CCDC178: variants seen among roughly 807,000 people sequenced by gnomAD.
CCDC178 encodes coiled-coil domain containing 178, also known as coiled-coil domain-containing protein 178.
In CCDC178, 126 loss-of-function variants were observed where a neutral mutation model predicts 117.4. The ratio of observed to expected loss-of-function variants is 1.07; its 90% confidence interval spans 0.93 to 1.24. CCDC178 has a LOEUF of 1.24. Among genes scored for constraint, CCDC178 ranks in the 50% most tolerant of loss-of-function variants. The pLI is 0.00. For missense variants in CCDC178, 1,030 were observed against 986.9 expected, an observed-to-expected ratio of 1.04 and a Z score of -0.59; for synonymous variants, 283 against 313.4, an observed-to-expected ratio of 0.90 and a Z score of 1.02.
At chr18:33,177,171 C>T (rs1267724293) in intron 20 of CCDC178, among the ~76,000 whole-genome samples, 2 of 151,688 alleles carry the variant, frequency 1.3e-5, no homozygotes, top group Non-Finnish European at 2.9e-5. Flanking sequence ...CACATGGACA[C>T]AGGGAGGGGA....
intron 21 of CCDC178, among the ~76,000 whole-genome samples, chr18:33,007,685 T>C (rs149234909): frequency 6.6e-6 from 1 of 152,252 alleles, no homozygotes; most frequent in African/African-American, 2.4e-5. Flanking sequence ...TGCACCTAAG[T>C]ACATACAAAT....
At chr18:32,974,450 C>G (rs2054990818) in intron 22 of CCDC178, 97 bp downstream of exon 22, 1 of 1,165,322 alleles carries the variant, frequency 8.6e-7, no homozygotes, top group East Asian at 2.4e-5. Flanking sequence ...TTATAAAACT[C>G]TGATGGGATA....
At chr18:33,238,898 T>C (rs569602676) in intron 15 of CCDC178, among the ~76,000 whole-genome samples, 57 of 152,094 alleles carry the variant, frequency 3.7e-4, no homozygotes, top group African/African-American at 1.3e-3. Flanking sequence ...TCGTCACATA[T>C]AAGAATTTGC....
At chr18:33,385,308 G>A (rs2063481173) in intron 5 of CCDC178, among the ~76,000 whole-genome samples, 1 of 152,136 alleles carries the variant, frequency 6.6e-6, no homozygotes, top group South Asian at 2.1e-4. Context: ...ACAGATCATT[G>A]AGACAGAAAA....
intron 20 of CCDC178, among the ~76,000 whole-genome samples, chr18:33,116,594 G>C (rs2057859679): frequency 6.6e-6 from 1 of 152,158 alleles, no homozygotes; most frequent in African/African-American, 2.4e-5. Context: ...TTTCAAGTCC[G>C]TCAGATTGCT....
chr18:33,291,354 A>G (rs2060163892), intron 12 of CCDC178, among the ~76,000 whole-genome samples: 2 of 152,132 alleles, frequency 1.3e-5, no homozygotes, highest in African/African-American at 4.8e-5. Context: ...CATGATATAT[A>G]AATTCTTACA....
intron 5 of CCDC178, among the ~76,000 whole-genome samples, chr18:33,374,396 A>G (rs962354974): frequency 9.9e-5 from 15 of 152,218 alleles, no homozygotes; most frequent in African/African-American, 3.6e-4. Context: ...ATCATTAGTC[A>G]TAGTCATCAA....
chr18:33,312,122 A>G (rs1217166894), intron 11 of CCDC178, among the ~76,000 whole-genome samples: 3 of 152,186 alleles, frequency 2.0e-5, no homozygotes, highest in Non-Finnish European at 4.4e-5. Context: ...TAATGAGGTA[A>G]CAGAAAACAT....
At chr18:33,015,394 T>C (rs1316456102) in intron 21 of CCDC178, among the ~76,000 whole-genome samples, 1 of 151,360 alleles carries the variant, frequency 6.6e-6, no homozygotes, top group African/African-American at 2.4e-5. Flanking sequence ...TGAAACCCCG[T>C]CTCTATTAAA....
intron 19 of CCDC178, among the ~76,000 whole-genome samples, chr18:33,215,000 A>G (rs1311583451): frequency 6.6e-6 from 1 of 151,980 alleles, no homozygotes; most frequent in African/African-American, 2.4e-5. Flanking sequence ...AAGAGTAAAT[A>G]AGTTTTAGGT....
chr18:33,289,869 A>G (rs1433878331), intron 12 of CCDC178, among the ~76,000 whole-genome samples: 1 of 152,196 alleles, frequency 6.6e-6, no homozygotes, highest in African/African-American at 2.4e-5. Context: ...TTCAGGAAAA[A>G]GTTAAAGATA....
intron 14 of CCDC178, among the ~76,000 whole-genome samples, chr18:33,263,217 T>C (rs942338017): frequency 1.2e-4 from 19 of 152,314 alleles, no homozygotes; most frequent in Non-Finnish European, 1.9e-4. Flanking sequence ...ATGAATGGGA[T>C]AGTCTTTCCG....
intron 21 of CCDC178, among the ~76,000 whole-genome samples, chr18:32,994,468 G>A (rs545496744): frequency 1.4e-4 from 21 of 152,226 alleles, no homozygotes; most frequent in African/African-American, 3.9e-4. Flanking sequence ...GGCAAACAGT[G>A]TACAAATCTG....
chr18:33,283,424 C>T (rs541956448), intron 12 of CCDC178, among the ~76,000 whole-genome samples: 2 of 152,114 alleles, frequency 1.3e-5, no homozygotes, highest in East Asian at 3.9e-4. Flanking sequence ...ACAAATAGAA[C>T]CTAATTAAAC....
chr18:33,142,455 A>C (rs1032892831), intron 20 of CCDC178, among the ~76,000 whole-genome samples: 1 of 152,192 alleles, frequency 6.6e-6, no homozygotes, highest in Non-Finnish European at 1.5e-5. Context: ...GAGAAGAGTA[A>C]ATGGGTTTTA....
intron 15 of CCDC178, among the ~76,000 whole-genome samples, chr18:33,230,818 A>G (rs562387610): frequency 6.6e-6 from 1 of 152,332 alleles, no homozygotes; most frequent in Non-Finnish European, 1.5e-5. Flanking sequence ...ATATATTCCT[A>G]AAGTATAAAT....
At chr18:33,054,424 C>T (rs949604709) in intron 21 of CCDC178, among the ~76,000 whole-genome samples, 2 of 152,088 alleles carry the variant, frequency 1.3e-5, no homozygotes, top group Non-Finnish European at 2.9e-5. Context: ...CTCTACCTGC[C>T]CCCCATACCC....
chr18:33,224,265 C>T (rs2059273974), intron 17 of CCDC178, among the ~76,000 whole-genome samples: 1 of 152,114 alleles, frequency 6.6e-6, no homozygotes, highest in Non-Finnish European at 1.5e-5. Flanking sequence ...AGGATTAATA[C>T]ATGTTTTTCG....
intron 21 of CCDC178, among the ~76,000 whole-genome samples, chr18:32,994,954 T>C (rs1394668182): frequency 1.3e-5 from 2 of 152,214 alleles, no homozygotes; most frequent in Admixed American, 6.5e-5. Flanking sequence ...CAGTTTTCTG[T>C]TTAATGGCTC....
Sources: allele counts gnomAD v4.1 joint callset (sites outside exome capture counted in the v4.1 genomes callset), GRCh38; gene constraint gnomAD v4.1.1; transcripts MANE v1.5; gene names NCBI Gene and HGNC (gene_info 2026-07-23, HGNC 2026-07-21).